The following UNC5D variants were observed in gnomAD, a reference collection of about 807,000 sequenced individuals.
UNC5D encodes netrin receptor UNC5D.
Under a neutral mutation model 105.4 loss-of-function variants are expected in UNC5D, and 39 were observed. The observed-to-expected ratio is 0.37, with a 90% confidence interval of 0.29 to 0.48. The LOEUF is 0.48. Among genes scored for constraint, UNC5D ranks in the 20% least tolerant of loss-of-function variants. The probability of loss-of-function intolerance (pLI) is 0.98; values close to 1 mark genes in which losing one functional copy is unlikely to be tolerated. For synonymous variants in UNC5D, 452 were observed against 450.4 expected (o/e 1.00, Z -0.04); for missense variants, 991 against 1,202.4 (o/e 0.82, Z 2.60).
chr8:35,439,201 C>T (rs962423443), intron 1 of UNC5D, among the ~76,000 whole-genome samples: 2 of 152,006 alleles, frequency 1.3e-5, no homozygotes, highest in Non-Finnish European at 2.9e-5. Flanking sequence ...CATAAATCAT[C>T]GTCATTCTCA....
intron 15 of UNC5D, among the ~76,000 whole-genome samples, chr8:35,772,551 A>T (rs1052428688): frequency 5.9e-5 from 9 of 152,184 alleles, no homozygotes; most frequent in Non-Finnish European, 1.2e-4. Flanking sequence ...AAGGAAGGGC[A>T]TGTGTGTACT....
At position 35,579,043 on chromosome 8, in the gene UNC5D, A is replaced by G. The variant is rs183614020; in HGVS notation, c.466+10802A>G. Among the ~76,000 whole-genome samples the G allele has an allele frequency of 1.7e-4, 26 of 152,318 alleles. No homozygotes were observed. The East Asian group carries it at 4.6e-3, about 27-fold the overall frequency. ...GTTCCTGGAAGATGGCCATTTCCAT[A>G]AAAACCTCAGTAGAAGTTTATCAGG... is the stretch of plus-strand genomic sequence containing the variant. On this transcript the variant is annotated intron_variant, in intron 3 of 16. Coordinates refer to ENST00000404895, the MANE Select transcript of UNC5D (RefSeq NM_080872.4).
chr8:35,555,258 A>G (rs1466301854), intron 2 of UNC5D, among the ~76,000 whole-genome samples: 1 of 152,170 alleles, frequency 6.6e-6, no homozygotes, highest in Non-Finnish European at 1.5e-5. Flanking sequence ...GAGAAGACTG[A>G]CATATTCTTA....
Position 35,297,801 on chromosome 8 carries a change from C to T in UNC5D, c.103+61914C>T, listed in dbSNP as rs116894847. ...GATTTTTTTTTTAAATTTTGGCAAGCTTAATAAGGCTCCATATCTACAGTC... is the reference window on the plus strand; with the variant it reads ...GATTTTTTTTTTAAATTTTGGCAAGTTTAATAAGGCTCCATATCTACAGTC... On this transcript the variant is annotated intron_variant, in intron 1 of 16. Transcript: ENST00000404895. Among the ~76,000 whole-genome samples, 1,151 of 151,802 alleles carry T rather than the reference C, an allele frequency of 7.6e-3. 11 individuals are homozygous for T. Among genetic ancestry groups the T allele is most frequent in the Admixed American group, 0.013 (195 of 15,232 alleles).
intron 4 of UNC5D, among the ~76,000 whole-genome samples, chr8:35,603,037 C>T (rs145723777): frequency 6.6e-6 from 1 of 152,132 alleles, no homozygotes; most frequent in African/African-American, 2.4e-5. Context: ...TTTTGTGTCT[C>T]TATTTCCTTC....
chr8:35,563,201 T>C (rs1208214126), intron 2 of UNC5D, among the ~76,000 whole-genome samples: 1 of 152,006 alleles, frequency 6.6e-6, no homozygotes, highest in Non-Finnish European at 1.5e-5. Context: ...TTGTGTAGTA[T>C]TGACATTTTA....
At chr8:35,607,741 C>G (rs1467522342) in intron 4 of UNC5D, among the ~76,000 whole-genome samples, 1 of 151,952 alleles carries the variant, frequency 6.6e-6, no homozygotes, top group Non-Finnish European at 1.5e-5. Context: ...GGGCACTTCT[C>G]CTTCCTGCTG....
At chr8:35,273,606 A>G (rs997659545) in intron 1 of UNC5D, among the ~76,000 whole-genome samples, 55 of 152,352 alleles carry the variant, frequency 3.6e-4, no homozygotes, top group African/African-American at 1.3e-3. Flanking sequence ...TGGATTTCAG[A>G]AGTATTTTTC....
chr8:35,363,498 A>T (rs1480627328), intron 1 of UNC5D, among the ~76,000 whole-genome samples: 5 of 152,194 alleles, frequency 3.3e-5, no homozygotes, highest in African/African-American at 7.2e-5. Context: ...AAACCATATT[A>T]TAAGCTATAT....
chr8:35,774,600 C>A, intron 16 of UNC5D, 123 bp downstream of exon 16: 1 of 1,264,306 alleles, frequency 7.9e-7, no homozygotes, highest in Non-Finnish European at 1.1e-6. Flanking sequence ...GGCCATATTT[C>A]CTGTGTGTTC....
intron 4 of UNC5D, among the ~76,000 whole-genome samples, chr8:35,671,612 A>T (rs1255846271): frequency 1.3e-5 from 2 of 152,178 alleles, no homozygotes; most frequent in African/African-American, 4.8e-5. Flanking sequence ...TGAACCACTG[A>T]TCTAGAAAAT....
At chr8:35,737,872 C>T (rs909542719) in intron 11 of UNC5D, among the ~76,000 whole-genome samples, 9 of 152,072 alleles carry the variant, frequency 5.9e-5, no homozygotes, top group Admixed American at 5.2e-4. Flanking sequence ...TTTGGGAGGC[C>T]GAGGTGGGTG....
At chr8:35,264,988 A>C (rs1434988694) in intron 1 of UNC5D, among the ~76,000 whole-genome samples, 1 of 152,184 alleles carries the variant, frequency 6.6e-6, no homozygotes, top group Non-Finnish European at 1.5e-5. Flanking sequence ...CATTGAAAAC[A>C]GTCATAATAA....
chr8:35,407,783 A>T (rs1804905553), intron 1 of UNC5D, among the ~76,000 whole-genome samples: 1 of 152,124 alleles, frequency 6.6e-6, no homozygotes, highest in Non-Finnish European at 1.5e-5. Context: ...AATTGAGAAC[A>T]TGCAGTATTT....
chr8:35,756,229 A>G (rs781248513), intron 13 of UNC5D, among the ~76,000 whole-genome samples: 1 of 152,238 alleles, frequency 6.6e-6, no homozygotes, highest in Non-Finnish European at 1.5e-5. Context: ...AGACACTGTT[A>G]ATTGTATATT....
chr8:35,414,428 A>G (rs1353612157), intron 1 of UNC5D, among the ~76,000 whole-genome samples: 2 of 152,032 alleles, frequency 1.3e-5, no homozygotes, highest in Admixed American at 6.6e-5. Flanking sequence ...TACTTTTCTT[A>G]CAGCTGCTCT....
intron 10 of UNC5D, among the ~76,000 whole-genome samples, chr8:35,730,626 CAGAT>C (rs1829140210): frequency 6.6e-6 from 1 of 152,088 alleles, no homozygotes. Flanking sequence ...AGGAAATAAA[CAGAT>C]AGTGATGAGA....
At chr8:35,699,998 G>C (rs1827075873) in intron 7 of UNC5D, among the ~76,000 whole-genome samples, 1 of 152,170 alleles carries the variant, frequency 6.6e-6, no homozygotes, top group Non-Finnish European at 1.5e-5. Flanking sequence ...AATGAACTTT[G>C]AACACTCGGA....
intron 7 of UNC5D, among the ~76,000 whole-genome samples, chr8:35,688,247 A>G (rs1826159607): frequency 6.6e-6 from 1 of 152,064 alleles, no homozygotes; most frequent in Non-Finnish European, 1.5e-5. Context: ...ATCCAGCAAA[A>G]AAAAAAAAAA....
Sources: gnomAD v4.1 joint callset for allele counts (sites outside exome capture counted in the v4.1 genomes callset) on GRCh38, gnomAD v4.1.1 for gene constraint, MANE v1.5 for transcripts, NCBI Gene and HGNC (gene_info 2026-07-23, HGNC 2026-07-21) for gene names.